The following ILRUN variants were observed in gnomAD, a reference collection of about 807,000 sequenced individuals.
ILRUN encodes inflammation and lipid regulator with UBA-like and NBR1-like domains.
ILRUN carries 3 observed loss-of-function variants against 33.8 expected under a neutral mutation model. That is an observed-to-expected ratio of 0.09 (90% CI 0.04 to 0.23). The LOEUF (loss-of-function observed/expected upper bound fraction) is 0.23. Ranked by LOEUF, ILRUN falls within the 10% of genes least tolerant of loss-of-function variation. The probability of loss-of-function intolerance (pLI) is 1.00; values close to 1 mark genes in which losing one functional copy is unlikely to be tolerated. For synonymous variants in ILRUN, 124 were observed against 138.9 expected, an observed-to-expected ratio of 0.89 and a Z score of 0.75; for missense variants, 210 against 375.1, an observed-to-expected ratio of 0.56 and a Z score of 3.64.
chr6:34,618,915 A>G (rs987889496), intron 3 of ILRUN, among the ~76,000 whole-genome samples: 1 of 152,232 alleles, frequency 6.6e-6, no homozygotes, highest in Non-Finnish European at 1.5e-5. Context: ...CCGGGAGTCT[A>G]TGGTGCTCTA....
intron 1 of ILRUN, among the ~76,000 whole-genome samples, chr6:34,673,061 T>C (rs1423852782): frequency 6.6e-6 from 1 of 152,218 alleles, no homozygotes; most frequent in African/African-American, 2.4e-5. Flanking sequence ...AAAGGATCAG[T>C]GCCTTCAAAA....
chr6:34,682,039 T>TTTTTTTTTTTTTTA lies in ILRUN; in HGVS notation c.158+14406_158+14407insTAAAAAAAAAAAAA, dbSNP rs1371036341. On this transcript the variant is annotated intron_variant, in intron 1 of 4. Coordinates refer to ENST00000374023, the MANE Select transcript of ILRUN (RefSeq NM_024294.4). ...ACTAATTCTTATATTTTTATTTTTT[T>TTTTTTTTTTTTTTA]ACTTTTTTTTTTTTTTCTAGAGACG... Among the ~76,000 whole-genome samples the TTTTTTTTTTTTTTA allele has an allele frequency of 5.1e-3, 529 of 104,722 alleles. 4 individuals carry two copies. The highest frequency in any genetic ancestry group is 8.1e-3 in the Non-Finnish European group (406 of 49,898). 68.7% of individuals were successfully genotyped at this position (104,722 alleles called of 152,430 possible).
At chr6:34,663,701 C>A (rs1291075632) in intron 1 of ILRUN, among the ~76,000 whole-genome samples, 1 of 152,108 alleles carries the variant, frequency 6.6e-6, no homozygotes, top group Non-Finnish European at 1.5e-5. Flanking sequence ...TAAAATCCAC[C>A]CATTTCAATT....
intron 3 of ILRUN, among the ~76,000 whole-genome samples, chr6:34,636,176 A>G (rs1435271589): frequency 6.6e-6 from 1 of 152,122 alleles, no homozygotes; most frequent in Non-Finnish European, 1.5e-5. Context: ...TGAGCCCAAG[A>G]GTTCAAGGCT....
chr6:34,683,530 A>G (rs1277649783), intron 1 of ILRUN, among the ~76,000 whole-genome samples: 1 of 135,924 alleles, frequency 7.4e-6, no homozygotes, highest in Non-Finnish European at 1.5e-5. Flanking sequence ...ATATATATAC[A>G]TATTGCACAG....
intron 2 of ILRUN, among the ~76,000 whole-genome samples, chr6:34,650,725 A>G (rs1762648408): frequency 6.6e-6 from 1 of 152,058 alleles, no homozygotes; most frequent in African/African-American, 2.4e-5. Context: ...TAGTGGGATT[A>G]CAGGGTTGAG....
At chr6:34,615,946 T>C (rs1319161311) in intron 3 of ILRUN, among the ~76,000 whole-genome samples, 1 of 152,112 alleles carries the variant, frequency 6.6e-6, no homozygotes, top group Admixed American at 6.6e-5. Context: ...AATCCCAGAG[T>C]CTGCTTTTGA....
intron 1 of ILRUN, among the ~76,000 whole-genome samples, chr6:34,676,702 C>T (rs1316622761): frequency 2.0e-5 from 3 of 151,952 alleles, no homozygotes; most frequent in Middle Eastern, 3.2e-3. Context: ...AATTTCAGTA[C>T]ATATATAAAA....
intron 1 of ILRUN, among the ~76,000 whole-genome samples, chr6:34,682,111 G>C (rs1328668852): frequency 6.8e-6 from 1 of 147,114 alleles, no homozygotes; most frequent in Non-Finnish European, 1.5e-5. Context: ...CTGACTTCAT[G>C]ATCCGCCCGC....
intron 2 of ILRUN, among the ~76,000 whole-genome samples, chr6:34,650,777 C>T (rs1406645521): frequency 1.3e-5 from 2 of 152,014 alleles, no homozygotes; most frequent in Non-Finnish European, 2.9e-5. Flanking sequence ...TTAAACAGTG[C>T]GCAACGTTCG....
chr6:34,651,854 G>A (rs982965588), intron 2 of ILRUN, among the ~76,000 whole-genome samples: 53 of 146,578 alleles, frequency 3.6e-4, no homozygotes, highest in Middle Eastern at 3.5e-3. Flanking sequence ...GTGCAGCGGC[G>A]CGATCTTGGC....
At chr6:34,673,761 A>C (rs2127379188) in intron 1 of ILRUN, among the ~76,000 whole-genome samples, 1 of 152,174 alleles carries the variant, frequency 6.6e-6, no homozygotes, top group Admixed American at 6.5e-5. Flanking sequence ...CAGGAGGTCA[A>C]GGCTGCAGTG....
chr6:34,609,476 T>A (rs1173802214), intron 3 of ILRUN, among the ~76,000 whole-genome samples: 4 of 150,374 alleles, frequency 2.7e-5, no homozygotes, highest in South Asian at 4.2e-4. Context: ...GATGACAGAG[T>A]AAGAGCCTAT....
At chr6:34,641,731 CTATTAAGACCAA>C (rs763432659) in intron 3 of ILRUN, among the ~76,000 whole-genome samples, 5 of 151,980 alleles carry the variant, frequency 3.3e-5, no homozygotes, top group Non-Finnish European at 5.9e-5. Flanking sequence ...AACTTACAGA[CTATTAAGACCAA>C]AAAAGGGTTG....
intron 1 of ILRUN, among the ~76,000 whole-genome samples, chr6:34,693,677 T>A (rs144070118): frequency 0.028 from 4,085 of 146,728 alleles, 91 homozygotes; most frequent in African/African-American, 0.044. Context: ...ATTTTATTTT[T>A]TTTTTTTGAG....
chr6:34,668,157 A>G (rs1320492206), intron 1 of ILRUN, among the ~76,000 whole-genome samples: 1 of 152,238 alleles, frequency 6.6e-6, no homozygotes, highest in African/African-American at 2.4e-5. Flanking sequence ...GAACTCTCAT[A>G]CAATGCTGCT....
intron 3 of ILRUN, among the ~76,000 whole-genome samples, chr6:34,637,426 T>G (rs1388428737): frequency 1.3e-5 from 2 of 152,168 alleles, no homozygotes; most frequent in African/African-American, 2.4e-5. Flanking sequence ...CTCCCTTAAA[T>G]TCAGAATTTC....
At chr6:34,666,872 G>A (rs1000556142) in intron 1 of ILRUN, among the ~76,000 whole-genome samples, 1 of 152,180 alleles carries the variant, frequency 6.6e-6, no homozygotes, top group Non-Finnish European at 1.5e-5. Context: ...CTCTTCAGAT[G>A]ATAACCAAGC....
chr6:34,673,832 TAC>T lies in ILRUN; in HGVS notation c.159-19055_159-19054del, dbSNP rs71000079. Among the ~76,000 whole-genome samples the T allele has an allele frequency of 3.1e-3, 340 of 111,066 alleles. 2 individuals carry two copies. Among genetic ancestry groups the T allele is most frequent in the Middle Eastern group, 0.022 (5 of 228 alleles). The allele number at this position is 111,066 out of a possible 152,430, so 72.9% of individuals were successfully genotyped here. A position where few individuals can be genotyped will look rare whatever the true frequency, so the allele number is the denominator to read the frequency against. On this transcript the variant is annotated intron_variant, in intron 1 of 4. Transcript: ENST00000374023. ...TGTCTCAAAAACAGTAACAACCACA[TAC>T]ACACACACACACACACACACACACG...
Sources: allele counts gnomAD v4.1 joint callset (sites outside exome capture counted in the v4.1 genomes callset), GRCh38; gene constraint gnomAD v4.1.1; transcripts MANE v1.5; gene names NCBI Gene and HGNC (gene_info 2026-07-23, HGNC 2026-07-21).